ATG9B: variants seen among roughly 807,000 people sequenced by gnomAD.
ATG9B encodes the protein autophagy-related protein 9B.
A neutral mutation model predicts 92.9 loss-of-function variants in ATG9B; 92 were observed. The ratio of observed to expected loss-of-function variants is 0.99; its 90% CI spans 0.84 to 1.18. The LOEUF is 1.18. Ranked by LOEUF, ATG9B falls within the 50% of genes most tolerant of loss-of-function variation. The pLI is 0.00. For missense variants in ATG9B, 1,344 were observed against 1,235.0 expected, an observed-to-expected ratio of 1.09 and a Z score of -1.32; for synonymous variants, 599 against 551.4, an observed-to-expected ratio of 1.09 and a Z score of -1.21.
intron 1 of ATG9B, 69 bp downstream of exon 1, chr7:151,023,805 C>T (rs1402690213): frequency 3.1e-6 from 5 of 1,612,146 alleles, no homozygotes; most frequent in Non-Finnish European, 4.2e-6. Flanking sequence ...TGCCAGAGGC[C>T]CAGCCTGGGA....
chr7:151,018,267 T>C lies in ATG9B; in HGVS notation c.1872+27A>G. On this transcript the variant is annotated intron_variant, in intron 7 of 13. Transcript: ENST00000639579. This position sits in a 1 kb window ranked among gnomAD's most constrained non-coding sequence, Gnocchi z 4.7. ...GCAGACAGACCCCACAACTTCCTCC[T>C]CAGCCCGCCGTCGCGCCCACCCTCA... 6.6e-7 allele frequency: 1 copy of C among 1,517,764 alleles called. No homozygotes were observed. The highest frequency in any genetic ancestry group is 8.8e-7 in the Non-Finnish European group (1 of 1,141,764). 94.0% of individuals were successfully genotyped at this position (1,517,764 alleles called of 1,614,324 possible).
downstream of ATG9B, chr7:151,014,185 C>A (rs1795387940): frequency 2.5e-6 from 4 of 1,589,926 alleles, no homozygotes; most frequent in Admixed American, 1.7e-5. Flanking sequence ...GCCTGGCTTT[C>A]CCTTCCAGTT....
rs184644886 is a variant in ATG9B, at chr7:151,021,799, G to A, written c.822-470C>T. Among the ~76,000 whole-genome samples, 689 of 151,580 alleles carry A rather than the reference G, an allele frequency of 4.5e-3. 10 individuals are homozygous for A. Among genetic ancestry groups the A allele is most frequent in the African/African-American group, 0.015 (637 of 41,374 alleles). ...AGGGTAGCTGGGACTACAGGCGCCC[G>A]CCACCACACCTGGCTAATTTTTGTA... On this transcript the variant is annotated intron_variant, in intron 4 of 13. Transcript: ENST00000639579.
chr7:151,021,467 G>T (rs1198436508), intron 4 of ATG9B, 138 bp from the exon 5 acceptor site: 1 of 1,223,876 alleles, frequency 8.2e-7, no homozygotes. Context: ...AGAGCCCGGG[G>T]CAGGGGGTGG....
At chr7:151,015,058 C>T (rs565102700), downstream of ATG9B, 1 of 152,240 alleles carries the variant, frequency 6.6e-6, no homozygotes, top group African/African-American at 2.4e-5. Flanking sequence ...TGGGCTGCTC[C>T]CCCGTGCAGT....
At position 151,018,085 on chromosome 7, in the gene ATG9B, C is replaced by T. The variant is rs748010770; in HGVS notation, c.1873-35G>A. Reference sequence around the variant, plus strand: ...CAGCGGTGAGGCTGAGCAGGGGTCGCTGAGGGGCCCACGCGCGTTATCAGG... The same window carrying T: ...CAGCGGTGAGGCTGAGCAGGGGTCGTTGAGGGGCCCACGCGCGTTATCAGG... On this transcript the variant is annotated intron_variant, in intron 7 of 13. Transcript: ENST00000639579. This position sits in a 1 kb window ranked among gnomAD's most constrained non-coding sequence, Gnocchi z 4.7. 6 of 1,542,232 alleles carry T rather than the reference C, an allele frequency of 3.9e-6. No homozygotes were observed. The South Asian group carries it at 7.3e-5, about 19-fold the overall frequency.
rs1795635297 is a variant in ATG9B, at chr7:151,018,918, C to G, written c.1420G>C (p.Gly474Arg). Residue 474 changes from glycine to arginine, a missense_variant, in exon 6 of 14, where the codon GGC becomes CGC. Gly to Arg is a moderately radical substitution (Grantham distance 125). Coordinates refer to ENST00000639579, the MANE Select transcript of ATG9B (RefSeq NM_001317056.2). The surrounding 1 kb of genome is among the most constrained non-coding windows in gnomAD (Gnocchi z 4.7). ...SHVELLRREP[G>R]ALGARGWSRL... is the part of the protein sequence containing the mutation. ...GACCAGCCGCGCGCCCCCAGCGCGCCAGGCTCGCGCCGCAGCAGCTCCACG... is the reference window on the plus strand; with the variant it reads ...GACCAGCCGCGCGCCCCCAGCGCGCGAGGCTCGCGCCGCAGCAGCTCCACG... The G allele has an allele frequency of 1.5e-5, 22 of 1,511,340 alleles. No homozygotes were observed. In the East Asian group the frequency reaches 6.0e-4, roughly 41 times the overall value. 93.6% of individuals were successfully genotyped at this position (1,511,340 alleles called of 1,614,324 possible).
chr7:151,019,716 T>A, intron 5 of ATG9B: 1 of 257,994 alleles, frequency 3.9e-6, no homozygotes, highest in Non-Finnish European at 7.3e-6. Context: ...GCCCCCTCAG[T>A]TGTACACACA....
At position 151,024,020 on chromosome 7, in the gene ATG9B, T is replaced by C; in HGVS notation, c.404A>G (p.Gln135Arg). The C allele has an allele frequency of 6.3e-7, 1 of 1,588,338 alleles. No homozygotes were observed. The highest frequency in any genetic ancestry group is 8.6e-7 in the Non-Finnish European group (1 of 1,168,078). The change falls in exon 1 of 14, where the codon CAG (glutamine) becomes CGG (arginine). Residue 135 changes from glutamine (Q) to arginine (R), a missense_variant. Gln to Arg is a conservative substitution (Grantham distance 43). Coordinates refer to ENST00000639579, the MANE Select transcript of ATG9B (RefSeq NM_001317056.2). ...ATPTPSQQCP[Q>R]DSPGLRVGPL... is the part of the protein sequence containing the mutation. ...GCCTACCCGCAGCCCAGGAGAGTCC[T>C]GGGGGCACTGCTGTGAGGGAGTGGG...
At chr7:151,012,212 T>G, downstream of ATG9B, 2 of 683,924 alleles carry the variant, frequency 2.9e-6, no homozygotes, top group Non-Finnish European at 4.6e-6. Context: ...AGTAGAGTTG[T>G]TTTTTGTTTT....
At chr7:151,016,943 G>A (rs1795517235) in intron 9 of ATG9B, 93 bp downstream of exon 9, 1 of 1,498,414 alleles carries the variant, frequency 6.7e-7, no homozygotes, top group Non-Finnish European at 9.0e-7. Flanking sequence ...GGCTGGTGAG[G>A]CAGGTTACTA....
At position 151,018,986 on chromosome 7, in the gene ATG9B, G is replaced by C; in HGVS notation, c.1352C>G (p.Pro451Arg). The C allele has an allele frequency of 1.3e-6, 2 of 1,577,422 alleles. No individual in the cohort carries two copies. The highest frequency in any genetic ancestry group is 1.7e-6 in the Non-Finnish European group (2 of 1,166,486). The change falls in exon 6 of 14, where the codon CCG (proline) becomes CGG (arginine). Residue 451 changes from proline (P) to arginine (R), a missense_variant. Physicochemically the swap from Pro to Arg is moderately radical, Grantham distance 103. Transcript: ENST00000639579. This position sits in a 1 kb window ranked among gnomAD's most constrained non-coding sequence, Gnocchi z 4.7. Reference sequence around the variant, plus strand: ...CAGAACCTGCCAGGCCAGCACCAGCGGGCTCAGCGCCAGGTTCAGGGCGGC... The same window carrying C: ...CAGAACCTGCCAGGCCAGCACCAGCCGGCTCAGCGCCAGGTTCAGGGCGGC... ...LLAALNLALS[P>R]LVLAWQVLHV...
downstream of ATG9B, chr7:151,014,243 C>G (rs1332082672): frequency 1.4e-6 from 2 of 1,411,464 alleles, no homozygotes; most frequent in Non-Finnish European, 1.9e-6. Context: ...AGGATCAGCC[C>G]CGCTCCTCCC....
chr7:151,017,875 G>T lies in ATG9B; in HGVS notation c.2048C>A (p.Pro683His). The T allele has an allele frequency of 6.2e-7, 1 of 1,606,314 alleles. No individual in the cohort carries two copies. The highest frequency in any genetic ancestry group is 2.2e-5 in the East Asian group (1 of 44,672). ...ALMDVKRHGH[P>H]QWLSAGQTEA... Reference sequence around the variant, plus strand: ...GGGCCAGGGAACGGCTCTGACCTGAGGGTGTCCGTGGCGCTTCACATCCAT... The same window carrying T: ...GGGCCAGGGAACGGCTCTGACCTGATGGTGTCCGTGGCGCTTCACATCCAT... The change falls in exon 8 of 14, where the codon CCT (proline) becomes CAT (histidine). Residue 683 changes from proline (P) to histidine (H), a missense_variant. Pro to His is a moderately conservative substitution (Grantham distance 77, BLOSUM62 -2). Transcript: ENST00000639579.
chr7:151,017,345 G>A (rs2117157179), intron 8 of ATG9B, 73 bp from the exon 9 acceptor site: 1 of 1,391,892 alleles, frequency 7.2e-7, no homozygotes, highest in Non-Finnish European at 9.8e-7. Context: ...AGGAAACACT[G>A]CCCCATCTTC....
chr7:151,018,050 C>T lies in ATG9B; in HGVS notation c.1873G>A (p.Val625Ile), dbSNP rs1366343286. The change falls in exon 8 of 14, where the codon GTC becomes ATC. Residue 625 changes from valine to isoleucine, a missense_variant and splice_region_variant. Coordinates refer to ENST00000639579, the MANE Select transcript of ATG9B (RefSeq NM_001317056.2). This position sits in a 1 kb window ranked among gnomAD's most constrained non-coding sequence, Gnocchi z 4.7. ...GACAGGAGCTCCTCCAGGAGGGAGA[C>T]CTGGGGAAGCAGCGGTGAGGCTGAG... is the stretch of plus-strand genomic sequence containing the variant. The part of the protein sequence containing the change: ...QMAQLLQYRA[V>I]SLLEELLSPL... 1 of 1,577,820 alleles carries T rather than the reference C, an allele frequency of 6.3e-7. No individual in the cohort carries two copies. The highest frequency in any genetic ancestry group is 8.6e-7 in the Non-Finnish European group (1 of 1,161,042).
Position 151,023,674 on chromosome 7 carries a change from G to A in ATG9B, c.594+13C>T, listed in dbSNP as rs555585236. ...TTCCCATGCCACCTCTGCAGGCCTA[G>A]CGCAAAGGATATCTTGGTGAAGAAA... On this transcript the variant is annotated intron_variant, in intron 2 of 13. Coordinates refer to ENST00000639579, the MANE Select transcript of ATG9B (RefSeq NM_001317056.2). 21 of 1,613,952 alleles carry A rather than the reference G, an allele frequency of 1.3e-5. 1 individual carries two copies. In the South Asian group the frequency reaches 2.2e-4, roughly 17 times the overall value.
intron 4 of ATG9B, 144 bp from the exon 5 acceptor site, chr7:151,021,473 G>GGT: frequency 1.7e-6 from 2 of 1,151,404 alleles, no homozygotes; most frequent in Non-Finnish European, 2.4e-6. Context: ...CGGGGCAGGG[G>GGT]GTGGGTGCTG....
In ATG9B at chr7:151,023,028, A is replaced by G. The variant is rs766555196; in HGVS notation, c.821+17T>C. 5 of 1,613,912 alleles carry G rather than the reference A, an allele frequency of 3.1e-6. No individual in the cohort carries two copies. The highest frequency in any genetic ancestry group is 4.2e-6 in the Non-Finnish European group (5 of 1,179,940). ...GCCCATGCTTCACCCCCAGGGCCCC[A>G]CCAGGTTGTCACTAACCTCTCAGCA... is the stretch of plus-strand genomic sequence containing the variant. On this transcript the variant is annotated intron_variant, in intron 4 of 13. Transcript: ENST00000639579.
Sources: allele counts gnomAD v4.1 joint callset (sites outside exome capture counted in the v4.1 genomes callset), GRCh38; gene constraint gnomAD v4.1.1; non-coding constraint Gnocchi (gnomAD v3.1); transcripts MANE v1.5; gene names NCBI Gene and HGNC (gene_info 2026-07-23, HGNC 2026-07-21).